Variants in ABCC1 observed in about 807,000 individuals in gnomAD.
ABCC1 encodes multidrug resistance-associated protein 1.
Under a neutral mutation model 172.9 loss-of-function variants are expected in ABCC1, and 83 were observed. That is an observed-to-expected ratio of 0.48 (90% CI 0.40 to 0.58). The LOEUF is 0.58. Among genes scored for constraint, ABCC1 ranks in the 20% least tolerant of loss-of-function variants. The pLI is 0.00. For synonymous variants in ABCC1, 937 were observed against 825.2 expected (o/e 1.14, Z -2.32); for missense variants, 1,817 against 2,002.7 (o/e 0.91, Z 1.77).
At chr16:15,993,119 T>C (rs901336611) in intron 1 of ABCC1, among the ~76,000 whole-genome samples, 3 of 152,198 alleles carry the variant, frequency 2.0e-5, no homozygotes, top group African/African-American at 4.8e-5. Context: ...TCATCTTTGA[T>C]GGACTATGAG....
rs1437825483 is a variant in ABCC1 at position 15,949,698 on chromosome 16, C to G, written c.-54C>G. On this transcript the variant is annotated 5_prime_UTR_variant, in exon 1 of 31. Transcript: ENST00000399410. ...CGGTGCCCGCCGCCGCCCGCGCCAG[C>G]AACCGGGCCCGATCACCCGCCGCCC... 2.9e-6 allele frequency: 3 copies of G among 1,047,384 alleles called. No individual in the cohort carries two copies. The highest frequency in any genetic ancestry group is 3.5e-6 in the Non-Finnish European group (3 of 868,784). 64.9% of individuals were successfully genotyped at this position (1,047,384 alleles called of 1,614,324 possible). A position where few individuals can be genotyped will look rare whatever the true frequency, so the allele number is the denominator to read the frequency against.
chr16:16,015,953 C>T (rs2047977280), intron 4 of ABCC1, among the ~76,000 whole-genome samples: 1 of 152,044 alleles, frequency 6.6e-6, no homozygotes, highest in Non-Finnish European at 1.5e-5. Context: ...TGTGAGAGAG[C>T]CAGGCCTTGA....
At chr16:15,958,252 C>T (rs552619174) in intron 1 of ABCC1, among the ~76,000 whole-genome samples, 5 of 152,128 alleles carry the variant, frequency 3.3e-5, no homozygotes, top group South Asian at 4.2e-4. Flanking sequence ...ATTACAGGCC[C>T]GCACCACCAC....
At chr16:16,120,095 C>G (rs533333043) in intron 23 of ABCC1, among the ~76,000 whole-genome samples, 1 of 152,074 alleles carries the variant, frequency 6.6e-6, no homozygotes, top group African/African-American at 2.4e-5. Flanking sequence ...ACGCCCGTGC[C>G]GCCACCCAGG....
At chr16:16,096,536 C>T (rs191961122) in intron 19 of ABCC1, among the ~76,000 whole-genome samples, 4 of 152,232 alleles carry the variant, frequency 2.6e-5, no homozygotes, top group East Asian at 1.9e-4. Flanking sequence ...CCTCAGAGGC[C>T]GGATTTCTTC....
chr16:16,005,484 A>G (rs2047496318), intron 1 of ABCC1, among the ~76,000 whole-genome samples: 1 of 151,938 alleles, frequency 6.6e-6, no homozygotes, highest in Non-Finnish European at 1.5e-5. Flanking sequence ...AGTAGCTGAG[A>G]CTACAGGCAT....
At position 16,111,368 on chromosome 16, in the gene ABCC1, T is replaced by C; in HGVS notation, c.2872-7T>C. 1.9e-6 allele frequency: 3 copies of C among 1,613,640 alleles called. No homozygotes were observed. The highest frequency in any genetic ancestry group is 2.5e-6 in the Non-Finnish European group (3 of 1,179,626). On this transcript the variant is annotated splice_region_variant and splice_polypyrimidine_tract_variant and intron_variant, in intron 21 of 30. Coordinates refer to ENST00000399410, the MANE Select transcript of ABCC1 (RefSeq NM_004996.4). ...TGCTAAGCTGCCTTATCTCCTGTGATCTCCAGGTCAAGCTTTCCGTGTACT... is the reference window on the plus strand; with the variant it reads ...TGCTAAGCTGCCTTATCTCCTGTGACCTCCAGGTCAAGCTTTCCGTGTACT...
intron 1 of ABCC1, among the ~76,000 whole-genome samples, chr16:15,957,113 T>C (rs1319361840): frequency 1.3e-5 from 2 of 152,106 alleles, no homozygotes; most frequent in Non-Finnish European, 2.9e-5. Context: ...AGGGTCTTGC[T>C]CTGTCACCCA....
intron 1 of ABCC1, among the ~76,000 whole-genome samples, chr16:15,964,419 G>A (rs955982976): frequency 6.6e-6 from 1 of 152,102 alleles, no homozygotes; most frequent in African/African-American, 2.4e-5. Context: ...GAACAGCATG[G>A]GGGAACCGTC....
chr16:16,089,680 G>A (rs2051159243), intron 18 of ABCC1, among the ~76,000 whole-genome samples: 1 of 152,124 alleles, frequency 6.6e-6, no homozygotes, highest in Non-Finnish European at 1.5e-5. Context: ...GACCAGCCTG[G>A]GCAACATGGT....
chr16:16,138,714 CTTTTTTTTTTTT>C (rs397973927), intron 30 of ABCC1, among the ~76,000 whole-genome samples, 156 bp downstream of exon 30: 2 of 129,690 alleles, frequency 1.5e-5, no homozygotes, highest in African/African-American at 5.9e-5. Flanking sequence ...CCAGCTATTT[CTTTTTTTTTTTT>C]TTTTTTTGAG....
At chr16:15,970,337 T>G (rs1597062313) in intron 1 of ABCC1, among the ~76,000 whole-genome samples, 1 of 152,174 alleles carries the variant, frequency 6.6e-6, no homozygotes, top group East Asian at 1.9e-4. Flanking sequence ...GTTGCCTACG[T>G]CTCTCCTCGT....
At chr16:15,970,223 C>T (rs1356428857) in intron 1 of ABCC1, among the ~76,000 whole-genome samples, 1 of 152,188 alleles carries the variant, frequency 6.6e-6, no homozygotes, top group Non-Finnish European at 1.5e-5. Context: ...CCAGGCCCCT[C>T]CCATCTTGTT....
chr16:15,949,317 C>G (rs504348), upstream of ABCC1, among the ~76,000 whole-genome samples: 106,885 of 151,746 alleles, frequency 0.7, 40,677 homozygotes, highest in East Asian at 0.99. Context: ...CCTTAAACAG[C>G]ATTTGAAAAG....
intron 1 of ABCC1, among the ~76,000 whole-genome samples, chr16:15,990,047 C>G (rs2046822954): frequency 6.6e-6 from 1 of 151,420 alleles, no homozygotes; most frequent in Non-Finnish European, 1.5e-5. Flanking sequence ...TGGCACCATT[C>G]AGCAATTTTT....
chr16:16,122,317 G>C, intron 24 of ABCC1, 143 bp downstream of exon 24: 1 of 847,954 alleles, frequency 1.2e-6, no homozygotes, highest in Admixed American at 2.6e-5. Flanking sequence ...CTTGATGAGC[G>C]CGGAGGACAG....
chr16:16,024,689 G>A (rs1705008749), intron 5 of ABCC1, among the ~76,000 whole-genome samples: 1 of 152,140 alleles, frequency 6.6e-6, no homozygotes, highest in East Asian at 1.9e-4. Context: ...TGTGGTGGGA[G>A]CTGAGGAAAG....
At chr16:16,065,312 G>C (rs561167465) in intron 12 of ABCC1, among the ~76,000 whole-genome samples, 1 of 152,262 alleles carries the variant, frequency 6.6e-6, no homozygotes, top group South Asian at 2.1e-4. Context: ...ACCCAGGCTG[G>C]TGCGGGGGCA....
chr16:16,049,030 C>T (rs1261202451), intron 10 of ABCC1, among the ~76,000 whole-genome samples: 1 of 151,798 alleles, frequency 6.6e-6, no homozygotes, highest in South Asian at 2.1e-4. Flanking sequence ...AACTTTGGGG[C>T]TGCATGTATC....
Sources: gnomAD v4.1 joint callset for allele counts (sites outside exome capture counted in the v4.1 genomes callset) on GRCh38, gnomAD v4.1.1 for gene constraint, MANE v1.5 for transcripts, NCBI Gene and HGNC (gene_info 2026-07-23, HGNC 2026-07-21) for gene names.